Variants in KIF2A observed in about 807,000 individuals in gnomAD.
KIF2A encodes the protein kinesin-like protein KIF2A.
A neutral mutation model predicts 100.2 loss-of-function variants in KIF2A; 22 were observed. The ratio of observed to expected loss-of-function variants is 0.22; its 90% confidence interval spans 0.16 to 0.31. KIF2A has a LOEUF of 0.31. KIF2A is among the 10% of genes least tolerant of loss of function. KIF2A has a pLI of 1.00. For missense variants in KIF2A, 495 were observed against 898.7 expected (o/e 0.55, Z 5.74); for synonymous variants, 268 against 285.9 (o/e 0.94, Z 0.63).
chr5:62,347,866 C>T (rs894582350), intron 2 of KIF2A, among the ~76,000 whole-genome samples, 182 bp from the exon 3 acceptor site: 10 of 152,020 alleles, frequency 6.6e-5, no homozygotes, highest in African/African-American at 1.2e-4. Context: ...TCAAATGATC[C>T]GCCCACCTTG....
intron 7 of KIF2A, among the ~76,000 whole-genome samples, chr5:62,355,530 T>C (rs1478011842): frequency 2.0e-5 from 3 of 152,222 alleles, no homozygotes; most frequent in Admixed American, 2.0e-4. Flanking sequence ...AAAGGAGTGA[T>C]AGCAGAAGAC....
rs1428156195 is a variant in KIF2A at position 62,306,441 on chromosome 5, C to T, written c.-32C>T. ...CTTTTCCGCCCTCCGGTCCCCCTCCCTCGGCCCGCTGCTGCTGCTCCAGAT... is the reference window on the plus strand; with the variant it reads ...CTTTTCCGCCCTCCGGTCCCCCTCCTTCGGCCCGCTGCTGCTGCTCCAGAT... On this transcript the variant is annotated 5_prime_UTR_variant, in exon 1 of 21. Transcript: ENST00000407818. The T allele has an allele frequency of 4.6e-6, 7 of 1,535,236 alleles. No homozygotes were observed. Among genetic ancestry groups the T allele is most frequent in the East Asian group, 2.5e-5 (1 of 39,828 alleles).
At chr5:62,326,043 G>T in intron 1 of KIF2A, among the ~76,000 whole-genome samples, 1 of 152,162 alleles carries the variant, frequency 6.6e-6, no homozygotes, top group Middle Eastern at 3.4e-3. Context: ...CCTGGGTGAT[G>T]GGATCATTTG....
chr5:62,332,587 A>G (rs891575335), intron 1 of KIF2A, among the ~76,000 whole-genome samples: 3 of 152,110 alleles, frequency 2.0e-5, no homozygotes, highest in Non-Finnish European at 4.4e-5. Context: ...TAAATTTTTG[A>G]CATCTAAGTT....
rs537535048 is a variant in KIF2A at position 62,375,341 on chromosome 5, G to A, written c.1911+1504G>A. On this transcript the variant is annotated intron_variant, in intron 18 of 20. Coordinates refer to ENST00000407818, the MANE Select transcript of KIF2A (RefSeq NM_001098511.3). ...CATCATGTTAAGTTAGCATTGATTA[G>A]TTGCTTACTACATGACATACATTGC... Among the ~76,000 whole-genome samples the A allele has an allele frequency of 3.9e-5, 6 of 152,270 alleles. No individual in the cohort carries two copies. The South Asian group carries it at 1.2e-3, about 32-fold the overall frequency.
At chr5:62,377,076 T>C (rs1404855777) in intron 18 of KIF2A, among the ~76,000 whole-genome samples, 2 of 152,250 alleles carry the variant, frequency 1.3e-5, no homozygotes, top group African/African-American at 2.4e-5. Flanking sequence ...GTCAACTATA[T>C]GTTTTTTGTT....
intron 13 of KIF2A, 35 bp from the exon 14 acceptor site, chr5:62,363,660 T>C: frequency 6.4e-7 from 1 of 1,566,082 alleles, no homozygotes. Flanking sequence ...AATTGAAGTT[T>C]TTAATGTATC....
At chr5:62,375,841 G>A (rs902791875) in intron 18 of KIF2A, among the ~76,000 whole-genome samples, 1 of 152,178 alleles carries the variant, frequency 6.6e-6, no homozygotes, top group Non-Finnish European at 1.5e-5. Context: ...ATCATACAGT[G>A]CACAGGAGTG....
rs1580113803 is a variant in KIF2A at position 62,386,905 on chromosome 5, G to A, written c.*1336G>A. 6.6e-6 allele frequency among the ~76,000 whole-genome samples: 1 copy of A among 152,190 alleles called. No individual in the cohort carries two copies. Among genetic ancestry groups the A allele is most frequent in the African/African-American group, 2.4e-5 (1 of 41,430 alleles). Reference sequence around the variant, plus strand: ...ATATCTCTCTAGGAGTTTTCCCTCAGTTCCCAGGATGGGGTCCAGGAGTAG... The same window carrying A: ...ATATCTCTCTAGGAGTTTTCCCTCAATTCCCAGGATGGGGTCCAGGAGTAG... On this transcript the variant is annotated 3_prime_UTR_variant, in exon 21 of 21. Coordinates refer to ENST00000407818, the MANE Select transcript of KIF2A (RefSeq NM_001098511.3).
At chr5:62,343,014 A>G (rs1561262887) in intron 1 of KIF2A, among the ~76,000 whole-genome samples, 1 of 152,052 alleles carries the variant, frequency 6.6e-6, no homozygotes. Flanking sequence ...AGCCTCCCAA[A>G]GTGCTGGGAT....
intron 16 of KIF2A, among the ~76,000 whole-genome samples, chr5:62,366,812 C>T (rs895452531): frequency 6.9e-6 from 1 of 144,986 alleles, no homozygotes; most frequent in South Asian, 2.2e-4. Context: ...GCCTGGGCAA[C>T]AGAGTGAGAC....
At chr5:62,325,230 T>C (rs924269233) in intron 1 of KIF2A, among the ~76,000 whole-genome samples, 2 of 152,136 alleles carry the variant, frequency 1.3e-5, no homozygotes, top group Middle Eastern at 3.4e-3. Context: ...GTCAAGTGGT[T>C]CTCCTGCCTC....
Position 62,306,387 on chromosome 5 carries a change from C to CG in KIF2A, c.-86_-85insG. On this transcript the variant is annotated 5_prime_UTR_variant, in exon 1 of 21. Transcript: ENST00000407818. The stretch of plus-strand genomic sequence containing the variant: ...GCGCGGCCGCGGGCAACCGCTCCCC[C>CG]TCCCACACCTACCCCGCCCCCTCCC... The CG allele has an allele frequency of 2.0e-6, 2 of 979,376 alleles. No homozygotes were observed. The highest frequency in any genetic ancestry group is 1.5e-6 in the Non-Finnish European group (1 of 645,984). The allele number at this position is 979,376 out of a possible 1,614,324, so 60.7% of individuals were successfully genotyped here. A position where few individuals can be genotyped will look rare whatever the true frequency, so the allele number is the denominator to read the frequency against.
intron 1 of KIF2A, among the ~76,000 whole-genome samples, chr5:62,315,529 G>A (rs1745773401): frequency 6.6e-6 from 1 of 152,226 alleles, no homozygotes; most frequent in Non-Finnish European, 1.5e-5. Flanking sequence ...CGGTTGCCCT[G>A]AGGGCAAGGA....
chr5:62,339,027 T>C (rs1010144500), intron 1 of KIF2A, among the ~76,000 whole-genome samples: 4 of 152,164 alleles, frequency 2.6e-5, no homozygotes, highest in Admixed American at 2.0e-4. Context: ...GGATTACAAA[T>C]CATTATAGAT....
intron 15 of KIF2A, 113 bp downstream of exon 15, chr5:62,365,466 AGTGATATG>A: frequency 1.7e-6 from 1 of 576,610 alleles, no homozygotes. Context: ...TTCTATTTTG[AGTGATATG>A]GTGATATTTA....
chr5:62,374,455 C>A (rs2111987836), intron 18 of KIF2A, among the ~76,000 whole-genome samples: 1 of 152,058 alleles, frequency 6.6e-6, no homozygotes, highest in East Asian at 1.9e-4. Flanking sequence ...CATTTTTTTC[C>A]CTTAGATTTT....
chr5:62,339,804 C>T (rs558152840), intron 1 of KIF2A, among the ~76,000 whole-genome samples: 1 of 149,746 alleles, frequency 6.7e-6, no homozygotes, highest in Non-Finnish European at 1.5e-5. Flanking sequence ...TAGTGTTAAT[C>T]CATGCATATG....
At position 62,389,485 on chromosome 5, in the gene KIF2A, C is replaced by CAAAAAAAAAAAAAAAAAAA. The variant is rs775533413; in HGVS notation, c.*3932_*3933insAAAAAAAAAAAAAAAAAAA. ...TGGGTGACAGAGCAAGACTCTGTCT[C>CAAAAAAAAAAAAAAAAAAA]AAAAAAAAAAAAAAAAGAAATGTTA... On this transcript the variant is annotated 3_prime_UTR_variant, in exon 21 of 21. Coordinates refer to ENST00000407818, the MANE Select transcript of KIF2A (RefSeq NM_001098511.3). Among the ~76,000 whole-genome samples the CAAAAAAAAAAAAAAAAAAA allele has an allele frequency of 7.6e-4, 58 of 75,820 alleles. No homozygotes were observed. The highest frequency in any genetic ancestry group is 7.8e-3 in the Middle Eastern group (1 of 128). The allele number at this position is 75,820 out of a possible 152,430, so 49.7% of individuals were successfully genotyped here.
Sources: allele counts gnomAD v4.1 joint callset (sites outside exome capture counted in the v4.1 genomes callset), GRCh38; gene constraint gnomAD v4.1.1; transcripts MANE v1.5; gene names NCBI Gene and HGNC (gene_info 2026-07-23, HGNC 2026-07-21).